The following CPM variants were observed in gnomAD, a reference collection of about 807,000 sequenced individuals.
The protein encoded by CPM is carboxypeptidase M, also known as renal carboxypeptidase.
CPM carries 35 observed loss-of-function variants against 46.4 expected under a neutral mutation model. The observed-to-expected ratio is 0.75, with a 90% CI of 0.58 to 1.00. CPM has a LOEUF of 1.00. Among genes scored for constraint, CPM ranks in the 50% least tolerant of loss-of-function variants. The pLI is 0.00. For synonymous variants in CPM, 195 were observed against 195.3 expected, an observed-to-expected ratio of 1.00 and a Z score of 0.01; for missense variants, 422 against 530.4, an observed-to-expected ratio of 0.80 and a Z score of 2.01.
chr12:68,885,672 C>A, intron 3 of CPM, 120 bp downstream of exon 3: 1 of 806,142 alleles, frequency 1.2e-6, no homozygotes, highest in Non-Finnish European at 2.0e-6. Flanking sequence ...GGCCTTGCTT[C>A]TTTGTACAAT....
intron 1 of CPM, among the ~76,000 whole-genome samples, chr12:68,952,783 G>T (rs1162711509): frequency 6.6e-6 from 1 of 152,184 alleles, no homozygotes; most frequent in Non-Finnish European, 1.5e-5. Context: ...TTCCATGGAG[G>T]TTTCATTTTG....
At position 68,856,292 on chromosome 12, in the gene CPM, T is replaced by G. The variant is rs1432790570; in HGVS notation, c.*145A>C. 1 of 920,322 alleles carries G rather than the reference T, an allele frequency of 1.1e-6. No individual in the cohort carries two copies. The highest frequency in any genetic ancestry group is 1.7e-5 in the African/African-American group (1 of 59,732). 57.0% of individuals were successfully genotyped at this position (920,322 alleles called of 1,614,324 possible). On this transcript the variant is annotated 3_prime_UTR_variant, in exon 9 of 9. Transcript: ENST00000551568. ...TCACCACATATTGCTTATTGTGGAATTTGGAAACATCCATTTCTCTTCTTC... is the reference window on the plus strand; with the variant it reads ...TCACCACATATTGCTTATTGTGGAAGTTGGAAACATCCATTTCTCTTCTTC...
chr12:68,960,294 A>G (rs1237189274), intron 1 of CPM, among the ~76,000 whole-genome samples: 1 of 152,212 alleles, frequency 6.6e-6, no homozygotes, highest in African/African-American at 2.4e-5. Context: ...GATGGGCTTC[A>G]TTCACAAGGA....
intron 2 of CPM, among the ~76,000 whole-genome samples, chr12:68,891,343 T>C (rs1189281633): frequency 6.6e-6 from 1 of 152,200 alleles, no homozygotes; most frequent in Non-Finnish European, 1.5e-5. Flanking sequence ...CCTCTGTATT[T>C]GAAGGAGAGG....
At position 68,869,432 on chromosome 12, in the gene CPM, T is replaced by A. The variant is rs767872359; in HGVS notation, c.680A>T (p.His227Leu). ...PDDDVFQYLA[H>L]TYASRNPNMK... ...GTTGGGATTTCTTGAAGCATAGGTATGTGCAAGATATTGAAAAACATCATC... is the reference window on the plus strand; with the variant it reads ...GTTGGGATTTCTTGAAGCATAGGTAAGTGCAAGATATTGAAAAACATCATC... The change falls in exon 6 of 9, where the codon CAT becomes CTT. Residue 227 changes from histidine to leucine, a missense_variant. Coordinates refer to ENST00000551568, the MANE Select transcript of CPM (RefSeq NM_198320.5). 1 of 1,613,832 alleles carries A rather than the reference T, an allele frequency of 6.2e-7. No individual in the cohort carries two copies. Among genetic ancestry groups the A allele is most frequent in the Non-Finnish European group, 8.5e-7 (1 of 1,179,880 alleles).
chr12:68,864,850 T>TA (rs1885364061), intron 7 of CPM, among the ~76,000 whole-genome samples: 1 of 152,132 alleles, frequency 6.6e-6, no homozygotes, highest in South Asian at 2.1e-4. Context: ...TGTCTCTATA[T>TA]AAAATTGTTT....
chr12:68,857,821 A>G (rs551567523), intron 8 of CPM, among the ~76,000 whole-genome samples: 1 of 152,318 alleles, frequency 6.6e-6, no homozygotes, highest in East Asian at 1.9e-4. Context: ...CTTATTTATG[A>G]GGTTGCATAT....
chr12:68,878,769 C>T (rs1181804609), intron 3 of CPM, among the ~76,000 whole-genome samples: 1 of 152,208 alleles, frequency 6.6e-6, no homozygotes. Context: ...GGACAACAGG[C>T]AAAATGAACC....
chr12:68,918,899 T>A (rs1887923783), intron 2 of CPM, among the ~76,000 whole-genome samples: 1 of 152,178 alleles, frequency 6.6e-6, no homozygotes, highest in African/African-American at 2.4e-5. Flanking sequence ...TTCAATGGTT[T>A]CCCATTATTC....
intron 3 of CPM, among the ~76,000 whole-genome samples, chr12:68,884,727 G>A (rs1886357888): frequency 6.6e-6 from 1 of 152,142 alleles, no homozygotes; most frequent in Non-Finnish European, 1.5e-5. Flanking sequence ...CAGTTTTATA[G>A]AGTCCTGGTA....
chr12:68,946,025 A>C (rs1888841375), intron 1 of CPM, among the ~76,000 whole-genome samples: 1 of 151,016 alleles, frequency 6.6e-6, no homozygotes, highest in African/African-American at 2.4e-5. Flanking sequence ...GCTAATTTTT[A>C]AATAATTTTT....
chr12:68,870,115 A>T, intron 5 of CPM, 100 bp downstream of exon 5: 2 of 1,195,380 alleles, frequency 1.7e-6, no homozygotes, highest in Non-Finnish European at 2.3e-6. Flanking sequence ...CTGCCAGAGA[A>T]GTTAAGAGGG....
At chr12:68,915,050 T>C (rs1887748423) in intron 2 of CPM, among the ~76,000 whole-genome samples, 1 of 152,170 alleles carries the variant, frequency 6.6e-6, no homozygotes, top group African/African-American at 2.4e-5. Context: ...CCTCTTTTTA[T>C]TGTGTTTTTT....
chr12:68,907,352 C>T (rs146386963), intron 2 of CPM, among the ~76,000 whole-genome samples: 1 of 152,258 alleles, frequency 6.6e-6, no homozygotes, highest in Non-Finnish European at 1.5e-5. Flanking sequence ...AATCCCAATG[C>T]CACCACTGCC....
chr12:68,864,494 A>T (rs1280389505), intron 7 of CPM, among the ~76,000 whole-genome samples: 2 of 152,224 alleles, frequency 1.3e-5, no homozygotes, highest in East Asian at 3.8e-4. Context: ...AGCCTTCCAA[A>T]TTATTAAAAA....
chr12:68,856,955 C>G (rs1418824422), intron 8 of CPM, among the ~76,000 whole-genome samples: 1 of 152,180 alleles, frequency 6.6e-6, no homozygotes, highest in Non-Finnish European at 1.5e-5. Flanking sequence ...GAGAAGGAAG[C>G]AGCAGATGTT....
chr12:68,892,991 A>G (rs1006159825), intron 2 of CPM, among the ~76,000 whole-genome samples: 6 of 152,044 alleles, frequency 3.9e-5, no homozygotes, highest in African/African-American at 1.2e-4. Context: ...GGGGAGGGAG[A>G]GCATTAGGAC....
rs189058961 is a variant in CPM, at chr12:68,886,598, T to A, written c.161-709A>T. On this transcript the variant is annotated intron_variant, in intron 2 of 8. Coordinates refer to ENST00000551568, the MANE Select transcript of CPM (RefSeq NM_198320.5). ...AGTGAGCCAAGATCGCGCCACTGCA[T>A]TCCAGCCCTGGCGACAGAGCGAGAC... is the stretch of plus-strand genomic sequence containing the variant. Among the ~76,000 whole-genome samples, 459 of 152,286 alleles carry A rather than the reference T, an allele frequency of 3.0e-3. 1 individual carries two copies. Among genetic ancestry groups the A allele is most frequent in the Non-Finnish European group, 5.3e-3 (363 of 68,016 alleles).
chr12:68,899,965 T>G (rs1446067324), intron 2 of CPM, among the ~76,000 whole-genome samples: 1 of 152,190 alleles, frequency 6.6e-6, no homozygotes. Context: ...TGGCAAAATA[T>G]TAACAACTGG....
Sources: gnomAD v4.1 joint callset for allele counts (sites outside exome capture counted in the v4.1 genomes callset) on GRCh38, gnomAD v4.1.1 for gene constraint, MANE v1.5 for transcripts, NCBI Gene and HGNC (gene_info 2026-07-23, HGNC 2026-07-21) for gene names.